Variants in NCKAP5 observed in about 807,000 individuals in gnomAD.
NCKAP5 encodes nck-associated protein 5.
A neutral mutation model predicts 167.0 loss-of-function variants in NCKAP5; 92 were observed. That is an observed-to-expected ratio of 0.55 (90% CI 0.47 to 0.66). The LOEUF is 0.66. NCKAP5 is among the 30% of genes least tolerant of loss of function. The pLI, the probability that NCKAP5 is intolerant of heterozygous loss-of-function variation, is 0.00. For missense variants in NCKAP5, 2,378 were observed against 2,315.0 expected (o/e 1.03, Z -0.56); for synonymous variants, 891 against 877.4 (o/e 1.02, Z -0.27).
intron 2 of NCKAP5, among the ~76,000 whole-genome samples, chr2:133,535,334 A>G (rs566132684): frequency 2.0e-5 from 3 of 151,718 alleles, no homozygotes; most frequent in Non-Finnish European, 4.4e-5. Flanking sequence ...ATTTCCCTCT[A>G]TATGTCCGTG....
intron 19 of NCKAP5, among the ~76,000 whole-genome samples, chr2:132,707,265 C>A (rs553066006): frequency 6.6e-6 from 1 of 152,338 alleles, no homozygotes; most frequent in Non-Finnish European, 1.5e-5. Context: ...ACTGTCACAG[C>A]GGAAAGTAAC....
intron 3 of NCKAP5, among the ~76,000 whole-genome samples, chr2:133,481,096 A>C (rs6761456): frequency 0.56 from 85,261 of 152,134 alleles, 24,968 homozygotes; most frequent in African/African-American, 0.75. Flanking sequence ...CATACTAATA[A>C]AAAAATCTCA....
At chr2:133,049,629 A>C (rs904303258) in intron 6 of NCKAP5, among the ~76,000 whole-genome samples, 3 of 152,016 alleles carry the variant, frequency 2.0e-5, no homozygotes, top group Non-Finnish European at 4.4e-5. Context: ...ATGGGGTATA[A>C]GTGGTAGAAA....
chr2:133,387,664 T>C (rs1687085520), intron 3 of NCKAP5, among the ~76,000 whole-genome samples: 1 of 152,248 alleles, frequency 6.6e-6, no homozygotes, highest in South Asian at 2.1e-4. Context: ...ATTCTCCCTG[T>C]CACTTTCAGG....
At chr2:132,995,234 CTT>C (rs943498138) in intron 6 of NCKAP5, among the ~76,000 whole-genome samples, 1 of 152,164 alleles carries the variant, frequency 6.6e-6, no homozygotes, top group African/African-American at 2.4e-5. Flanking sequence ...ACTTTATAAA[CTT>C]TTAAATTTTT....
intron 4 of NCKAP5, among the ~76,000 whole-genome samples, chr2:133,235,016 C>T (rs1454108594): frequency 6.7e-6 from 1 of 149,884 alleles, no homozygotes; most frequent in Non-Finnish European, 1.5e-5. Flanking sequence ...CAACTCAGTA[C>T]ATCCTCAATG....
At position 133,528,284 on chromosome 2, in the gene NCKAP5, T is replaced by C. The variant is rs1685085585; in HGVS notation, c.-61-10697A>G. ...TTTTCTTCTGCTTAGAATTTCCACC[T>C]AGTTTTGAGCAATAAAAATCAAAAC... On this transcript the variant is annotated intron_variant, in intron 2 of 19. Transcript: ENST00000409261. Among the ~76,000 whole-genome samples, 6 of 151,866 alleles carry C rather than the reference T, an allele frequency of 4.0e-5. 1 individual carries two copies. In the South Asian group the frequency reaches 1.2e-3, roughly 32 times the overall value.
At position 133,035,952 on chromosome 2, in the gene NCKAP5, A is replaced by C. The variant is rs377723660; in HGVS notation, c.342-41713T>G. 4.6e-5 allele frequency among the ~76,000 whole-genome samples: 7 copies of C among 151,950 alleles called. No homozygotes were observed. The East Asian group carries it at 5.8e-4, about 13-fold the overall frequency. ...TTTAGCCAGACTAAGAACAAAAGAG[A>C]GAATATCCAAATAAATAAAATCAGA... On this transcript the variant is annotated intron_variant, in intron 6 of 19. Transcript: ENST00000409261.
chr2:133,367,623 A>T (rs993904100), intron 3 of NCKAP5, among the ~76,000 whole-genome samples: 1 of 152,154 alleles, frequency 6.6e-6, no homozygotes, highest in Non-Finnish European at 1.5e-5. Flanking sequence ...GTACCAGATG[A>T]ATTCCAAATA....
intron 8 of NCKAP5, among the ~76,000 whole-genome samples, chr2:132,961,415 C>A (rs893680541): frequency 5.3e-5 from 8 of 151,578 alleles, no homozygotes; most frequent in African/African-American, 1.9e-4. Context: ...ATTACCTGTT[C>A]AAGTAGAAGA....
At chr2:133,401,186 A>G (rs1688073572) in intron 3 of NCKAP5, among the ~76,000 whole-genome samples, 1 of 152,224 alleles carries the variant, frequency 6.6e-6, no homozygotes, top group Non-Finnish European at 1.5e-5. Context: ...GGGTTTGGAA[A>G]GCTTCTGGGA....
the NCKAP5 span, among the ~76,000 whole-genome samples, chr2:133,670,582 C>T: frequency 6.6e-6 from 1 of 152,166 alleles, no homozygotes; most frequent in Non-Finnish European, 1.5e-5. Context: ...GTGGCAGGCA[C>T]TAATCTCAGC....
At chr2:132,703,814 T>C (rs1301330911) in intron 19 of NCKAP5, among the ~76,000 whole-genome samples, 2 of 152,356 alleles carry the variant, frequency 1.3e-5, no homozygotes, top group East Asian at 3.9e-4. Context: ...ATTAAGATCC[T>C]TTCTAGTTAT....
At chr2:133,600,692 T>A in the NCKAP5 span, among the ~76,000 whole-genome samples, 2 of 152,218 alleles carry the variant, frequency 1.3e-5, no homozygotes, top group Admixed American at 6.5e-5. Flanking sequence ...GCGGAGAAAG[T>A]TCTTTGCCAA....
At chr2:133,588,574 C>T in the NCKAP5 span, among the ~76,000 whole-genome samples, 4 of 152,102 alleles carry the variant, frequency 2.6e-5, no homozygotes, top group African/African-American at 7.2e-5. Context: ...GGGAGCCACG[C>T]ACTCTTTAAG....
chr2:133,266,472 G>C (rs1559334399), intron 4 of NCKAP5: 2 of 152,532 alleles, frequency 1.3e-5, no homozygotes. Flanking sequence ...GCGGCGCGCA[G>C]GGGGCGCGCC....
At chr2:133,411,192 T>G (rs1688749440) in intron 3 of NCKAP5, among the ~76,000 whole-genome samples, 1 of 152,222 alleles carries the variant, frequency 6.6e-6, no homozygotes, top group Non-Finnish European at 1.5e-5. Flanking sequence ...CCAAAGTTTT[T>G]GTTCCTTGCC....
Position 132,725,690 on chromosome 2 carries a change from C to T in NCKAP5, c.5650G>A (p.Gly1884Arg), listed in dbSNP as rs1690387028. 1 of 1,613,396 alleles carries T rather than the reference C, an allele frequency of 6.2e-7. No individual in the cohort carries two copies. The highest frequency in any genetic ancestry group is 2.2e-5 in the East Asian group (1 of 44,800). The change falls in exon 19 of 20, where the codon GGA becomes AGA. Residue 1884 changes from glycine (G) to arginine (R), a missense_variant. By Grantham distance (125) the Gly-to-Arg change is moderately radical. This residue lies in a region of NCKAP5 where 1,325 missense variants were observed against 1,274.5 expected (regional missense o/e 1.04). Coordinates refer to ENST00000409261, the MANE Select transcript of NCKAP5 (RefSeq NM_207363.3). Reference sequence around the variant, plus strand: ...CTTCCAGCTCCAAAACCATTATCTCCATAGTCCAGGTCACTGTCACTATTA... The same window carrying T: ...CTTCCAGCTCCAAAACCATTATCTCTATAGTCCAGGTCACTGTCACTATTA... ...GSNSDSDLDY[G>R]DNGFGAGRGQ...
At chr2:132,741,904 A>T (rs1307055406) in intron 16 of NCKAP5, among the ~76,000 whole-genome samples, 1 of 152,018 alleles carries the variant, frequency 6.6e-6, no homozygotes, top group African/African-American at 2.4e-5. Flanking sequence ...CTTTTAACCC[A>T]CTTCTGGGCT....
Sources: allele counts gnomAD v4.1 joint callset (sites outside exome capture counted in the v4.1 genomes callset), GRCh38; gene constraint gnomAD v4.1.1; regional missense constraint gnomAD v4.1.1; transcripts MANE v1.5; gene names NCBI Gene and HGNC (gene_info 2026-07-23, HGNC 2026-07-21).